GRIK5: variants seen among roughly 807,000 people sequenced by gnomAD.
GRIK5 encodes glutamate ionotropic receptor kainate type subunit 5, also known as glutamate receptor ionotropic, kainate 5.
GRIK5 carries 43 observed loss-of-function variants against 97.4 expected under a neutral mutation model. That is an observed-to-expected ratio of 0.44 (90% confidence interval 0.35 to 0.57). GRIK5 has a LOEUF of 0.57. Among genes scored for constraint, GRIK5 ranks in the 20% least tolerant of loss-of-function variants. GRIK5 has a pLI of 0.01. For missense variants in GRIK5, 1,015 were observed against 1,382.0 expected, an observed-to-expected ratio of 0.73 and a Z score of 4.21; for synonymous variants, 580 against 583.5, an observed-to-expected ratio of 0.99 and a Z score of 0.09.
intron 12 of GRIK5, among the ~76,000 whole-genome samples, chr19:42,027,131 C>T (rs190781989): frequency 6.6e-5 from 10 of 152,270 alleles, no homozygotes; most frequent in South Asian, 2.1e-4. Flanking sequence ...ATTTGTATAG[C>T]GCCCTCCACT....
At chr19:42,033,559 G>A (rs1375356489) in intron 12 of GRIK5, among the ~76,000 whole-genome samples, 3 of 152,116 alleles carry the variant, frequency 2.0e-5, no homozygotes, top group African/African-American at 7.2e-5. Context: ...ATGGGTATGA[G>A]TTTTATGGGA....
chr19:42,022,631 T>TGGAGGGGTTC lies in GRIK5; in HGVS notation c.1474-287_1474-278dup. 1 of 985,036 alleles carries TGGAGGGGTTC rather than the reference T, an allele frequency of 1.0e-6. No homozygotes were observed. Among genetic ancestry groups the TGGAGGGGTTC allele is most frequent in the Non-Finnish European group, 1.2e-6 (1 of 829,838 alleles). 61.0% of individuals were successfully genotyped at this position (985,036 alleles called of 1,614,324 possible). On this transcript the variant is annotated intron_variant, in intron 12 of 19. Transcript: ENST00000593562. This position sits in a 1 kb window ranked among gnomAD's most constrained non-coding sequence, Gnocchi z 4.2. ...GTGTCCCAGCATCAAGGGCTGGGGA[T>TGGAGGGGTTC]GGAGGGGTTCCCCAAACTCCAATTC...
chr19:42,041,679 C>T (rs777686620), intron 12 of GRIK5, among the ~76,000 whole-genome samples: 5 of 152,170 alleles, frequency 3.3e-5, no homozygotes, highest in East Asian at 1.9e-4. Context: ...ATTCTGCCCA[C>T]GCTCAGGCCC....
chr19:42,052,877 G>A (rs533097787), intron 11 of GRIK5, among the ~76,000 whole-genome samples: 24 of 152,314 alleles, frequency 1.6e-4, no homozygotes, highest in Middle Eastern at 3.4e-3. Flanking sequence ...TAGCTCTGCC[G>A]GGGACTCACT....
chr19:42,010,004 T>A (rs1236438863), intron 15 of GRIK5, among the ~76,000 whole-genome samples: 1 of 150,766 alleles, frequency 6.6e-6, no homozygotes, highest in East Asian at 1.9e-4. Context: ...AGGTGGAGGT[T>A]GCTGTGAGCT....
At chr19:42,040,968 C>G (rs1045544223) in intron 12 of GRIK5, among the ~76,000 whole-genome samples, 1 of 152,114 alleles carries the variant, frequency 6.6e-6, no homozygotes, top group Non-Finnish European at 1.5e-5. Context: ...CAGCTGGCAG[C>G]TTTATGGGGC....
At chr19:42,019,885 G>C (rs1205992662) in intron 15 of GRIK5, among the ~76,000 whole-genome samples, 1 of 152,122 alleles carries the variant, frequency 6.6e-6, no homozygotes, top group Non-Finnish European at 1.5e-5. Context: ...CTGACCTCCA[G>C]AACTATAGGA....
chr19:42,022,371 C>G lies in GRIK5; in HGVS notation c.1474-17G>C. The G allele has an allele frequency of 6.3e-7, 1 of 1,599,910 alleles. No homozygotes were observed. Among genetic ancestry groups the G allele is most frequent in the South Asian group, 1.1e-5 (1 of 90,778 alleles). ...GTCTGCCTTCTGCTGGAGGGGAAGC[C>G]GGGCAGGGGTGGAGGGGGACAGAGG... On this transcript the variant is annotated splice_polypyrimidine_tract_variant and intron_variant, in intron 12 of 19. Transcript: ENST00000593562. This position sits in a 1 kb window ranked among gnomAD's most constrained non-coding sequence, Gnocchi z 4.2.
Position 42,053,623 on chromosome 19 carries a change from G to C in GRIK5, c.1248C>G (p.Thr416=). The C allele has an allele frequency of 6.2e-7, 1 of 1,610,566 alleles. No homozygotes were observed. Among genetic ancestry groups the C allele is most frequent in the Non-Finnish European group, 8.5e-7 (1 of 1,176,784 alleles). The part of the protein sequence containing the change: ...INLSQTLANK[T]LVVTTILENP... ...TCACCAGGATGGTTGTGACCACCAG[G>C]GTCTTGTTGGCCAGTGTCTGCGACA... The change falls in exon 11 of 20, where the codon ACC becomes ACG. Residue 416 remains threonine, a synonymous_variant. Coordinates refer to ENST00000593562, the MANE Select transcript of GRIK5 (RefSeq NM_002088.5).
At chr19:42,040,354 A>G (rs1408434471) in intron 12 of GRIK5, among the ~76,000 whole-genome samples, 1 of 152,232 alleles carries the variant, frequency 6.6e-6, no homozygotes, top group African/African-American at 2.4e-5. Context: ...CATCCAGTTT[A>G]GAGTGACTTC....
In GRIK5 at chr19:42,006,634, G is replaced by T; in HGVS notation, c.2037+11C>A. On this transcript the variant is annotated intron_variant, in intron 16 of 19. Coordinates refer to ENST00000593562, the MANE Select transcript of GRIK5 (RefSeq NM_002088.5). This position sits in a 1 kb window ranked among gnomAD's most constrained non-coding sequence, Gnocchi z 5.3. ...CCCAACACCACGCCTGAGAGGTTCT[G>T]GTGGCCCCACCTGGAAGAAGGTCAT... The T allele has an allele frequency of 6.2e-7, 1 of 1,612,570 alleles. No individual in the cohort carries two copies.
rs1181684922 is a variant in GRIK5 at position 42,042,608 on chromosome 19, C to T, written c.1417G>A (p.Gly473Arg). Residue 473 changes from glycine to arginine, a missense_variant, in exon 12 of 20, where the codon GGG (glycine) becomes AGG (arginine). By Grantham distance (125) the Gly-to-Arg change is moderately radical (BLOSUM62 -2). Transcript: ENST00000593562. The surrounding 1 kb of genome is among the most constrained non-coding windows in gnomAD (Gnocchi z 6.9). The part of the protein sequence containing the change: ...RLRLVEDGLY[G>R]APEPNGSWTG... ...CAGGAGCCGTTGGGCTCGGGCGCCCCGTACAGCCCATCCTCCACCAACCGC... is the reference window on the plus strand; with the variant it reads ...CAGGAGCCGTTGGGCTCGGGCGCCCTGTACAGCCCATCCTCCACCAACCGC... 1.2e-6 allele frequency: 2 copies of T among 1,612,718 alleles called. No individual in the cohort carries two copies. The highest frequency in any genetic ancestry group is 1.7e-6 in the Non-Finnish European group (2 of 1,179,942).
intron 15 of GRIK5, among the ~76,000 whole-genome samples, chr19:42,007,557 T>A (rs536917610): frequency 3.3e-5 from 5 of 152,220 alleles, no homozygotes; most frequent in African/African-American, 1.2e-4. Context: ...AGACGGAGAC[T>A]GGTGATCAGG....
rs1328955009 is a variant in GRIK5 at position 42,054,586 on chromosome 19, G to T, written c.904-114C>A. 11 of 1,234,918 alleles carry T rather than the reference G, an allele frequency of 8.9e-6. No individual in the cohort carries two copies. The South Asian group carries it at 1.6e-4, about 17-fold the overall frequency. 76.5% of individuals were successfully genotyped at this position (1,234,918 alleles called of 1,614,324 possible). On this transcript the variant is annotated intron_variant, in intron 8 of 19. Transcript: ENST00000593562. ...CCTCAAATAACTTCCCTCTCCCCAG[G>T]AATGGGAAACTGGGTGGGTCAGGAG...
At chr19:42,063,163 C>T (rs1479229680) in intron 3 of GRIK5, 2 of 492,942 alleles carry the variant, frequency 4.1e-6, no homozygotes, top group African/African-American at 3.9e-5. Context: ...TGTGCCTAGT[C>T]CCTCAGCCAC....
In GRIK5 at chr19:42,042,764, G is replaced by A. The variant is rs746863631; in HGVS notation, c.1270-9C>T. 2.5e-6 allele frequency: 4 copies of A among 1,606,702 alleles called. No homozygotes were observed. The African/African-American group carries it at 4.0e-5, about 16-fold the overall frequency. On this transcript the variant is annotated splice_polypyrimidine_tract_variant and intron_variant, in intron 11 of 19. Transcript: ENST00000593562. This position sits in a 1 kb window ranked among gnomAD's most constrained non-coding sequence, Gnocchi z 6.9. ...ATGACGTATGGGTTCTCCTGGGTGGGCAGAAGAAAGCAGGGGTCAGAGGCT... is the reference window on the plus strand; with the variant it reads ...ATGACGTATGGGTTCTCCTGGGTGGACAGAAGAAAGCAGGGGTCAGAGGCT...
chr19:42,038,054 G>A (rs988881282), intron 12 of GRIK5, among the ~76,000 whole-genome samples: 9 of 152,214 alleles, frequency 5.9e-5, no homozygotes, highest in Non-Finnish European at 1.0e-4. Context: ...CTTTGCCCTT[G>A]AAGGCTAAGC....
rs797042933 is a variant in GRIK5, at chr19:42,006,829, G to A, written c.1872-19C>T. On this transcript the variant is annotated intron_variant, in intron 15 of 19. Transcript: ENST00000593562. The surrounding 1 kb of genome is among the most constrained non-coding windows in gnomAD (Gnocchi z 5.3). Reference sequence around the variant, plus strand: ...GGCCCACCTGAAGGGTGGGAGGGGTGAGTCACGGGCTGGAGTCACCCCTGC... The same window carrying A: ...GGCCCACCTGAAGGGTGGGAGGGGTAAGTCACGGGCTGGAGTCACCCCTGC... The A allele has an allele frequency of 6.4e-7, 1 of 1,574,056 alleles. No homozygotes were observed. Among genetic ancestry groups the A allele is most frequent in the Non-Finnish European group, 8.6e-7 (1 of 1,158,606 alleles).
Position 42,069,655 on chromosome 19 carries a change from G to C in GRIK5, c.-465C>G, listed in dbSNP as rs1263047852. 6.6e-6 allele frequency among the ~76,000 whole-genome samples: 1 copy of C among 151,260 alleles called. No homozygotes were observed. Among genetic ancestry groups the C allele is most frequent in the South Asian group, 2.1e-4 (1 of 4,794 alleles). On this transcript the variant is annotated 5_prime_UTR_variant, in exon 1 of 20. Coordinates refer to ENST00000593562, the MANE Select transcript of GRIK5 (RefSeq NM_002088.5). Reference sequence around the variant, plus strand: ...CCCTCCCCTAGCCGGGCCGGCCTGGGGGGGCCACAGGGGGCGAGGACTGGG... The same window carrying C: ...CCCTCCCCTAGCCGGGCCGGCCTGGCGGGGCCACAGGGGGCGAGGACTGGG...
Sources: gnomAD v4.1 joint callset for allele counts (sites outside exome capture counted in the v4.1 genomes callset) on GRCh38, gnomAD v4.1.1 for gene constraint, Gnocchi (gnomAD v3.1) non-coding constraint, MANE v1.5 for transcripts, NCBI Gene and HGNC (gene_info 2026-07-23, HGNC 2026-07-21) for gene names.